Variants in NLRP13 observed in about 807,000 individuals in gnomAD.
NLRP13 encodes the protein NACHT, LRR and PYD domains-containing protein 13.
NLRP13 carries 82 observed loss-of-function variants against 94.4 expected under a neutral mutation model. That is an observed-to-expected ratio of 0.87 (90% CI 0.73 to 1.04). The LOEUF (loss-of-function observed/expected upper bound fraction) is 1.04. Ranked by LOEUF, NLRP13 falls within the 50% of genes least tolerant of loss-of-function variation. The pLI is 0.00. For synonymous variants in NLRP13, 553 were observed against 464.7 expected (o/e 1.19, Z -2.45); for missense variants, 1,426 against 1,230.8 (o/e 1.16, Z -2.37).
At chr19:55,893,748 A>T (rs1403849454), downstream of NLRP13, among the ~76,000 whole-genome samples, 1 of 152,188 alleles carries the variant, frequency 6.6e-6, no homozygotes, top group Non-Finnish European at 1.5e-5. Context: ...GCAATTTTTG[A>T]AAAATAAAAT....
In NLRP13 at chr19:55,905,123, T is replaced by C. The variant is rs375848064; in HGVS notation, c.2448-11A>G. ...TTGCATTTCTCCAGGCTGTGGAAGG[T>C]GCAGGTGCAAGGTGAGCCTCAGCCA... On this transcript the variant is annotated splice_polypyrimidine_tract_variant and intron_variant, in intron 7 of 10. Coordinates refer to ENST00000342929, the MANE Select transcript of NLRP13 (RefSeq NM_176810.2). The C allele has an allele frequency of 4.3e-6, 7 of 1,612,522 alleles. No individual in the cohort carries two copies. In the African/African-American group the frequency reaches 9.4e-5, roughly 22 times the overall value.
chr19:55,918,000 G>A (rs531795295), intron 4 of NLRP13, among the ~76,000 whole-genome samples: 8 of 151,892 alleles, frequency 5.3e-5, no homozygotes, highest in South Asian at 4.1e-4. Flanking sequence ...GAAATAGACC[G>A]TATGTTAGGC....
intron 1 of NLRP13, among the ~76,000 whole-genome samples, chr19:55,931,728 A>AAGAC (rs1568449439): frequency 3.4e-4 from 26 of 76,612 alleles, no homozygotes; most frequent in African/African-American, 9.1e-4. Flanking sequence ...AAAAAAAAGA[A>AAGAC]AGAAAGAAAG....
intron 4 of NLRP13, among the ~76,000 whole-genome samples, chr19:55,914,280 A>G (rs985086210): frequency 1.3e-5 from 2 of 152,224 alleles, no homozygotes; most frequent in African/African-American, 4.8e-5. Context: ...ATGCTGAGAC[A>G]GAAATGAGCA....
At chr19:55,899,534 C>T (rs1986107822) in intron 9 of NLRP13, among the ~76,000 whole-genome samples, 1 of 152,110 alleles carries the variant, frequency 6.6e-6, no homozygotes, top group African/African-American at 2.4e-5. Flanking sequence ...GTAATCCCAG[C>T]ACTTTGGGAG....
rs1179319146 is a variant in NLRP13, at chr19:55,913,279, A to G, written c.538T>C (p.Tyr180His). ...AGTTCAGCCTTCATGTTCTCTCTGT[A>G]TTTTCTTCTGTGGTCTAGAGAGGGC... The part of the protein sequence containing the change: ...MLEEADHRRK[Y>H]RENMKAELLE... Residue 180 changes from tyrosine to histidine, a missense_variant, in exon 5 of 11, where the codon TAC (tyrosine) becomes CAC (histidine). Physicochemically the swap from Tyr to His is moderately conservative, Grantham distance 83. Coordinates refer to ENST00000342929, the MANE Select transcript of NLRP13 (RefSeq NM_176810.2). The G allele has an allele frequency of 1.9e-6, 3 of 1,613,734 alleles. No homozygotes were observed. Among genetic ancestry groups the G allele is most frequent in the South Asian group, 2.2e-5 (2 of 91,064 alleles).
Position 55,925,045 on chromosome 19 carries a change from AC to A in NLRP13, c.320-11del, listed in dbSNP as rs1986935725. ...TGGGTCTGCACATTCTCTGAAACAA[AC>A]AGTGATGATGACATATGAGAATACC... On this transcript the variant is annotated splice_polypyrimidine_tract_variant and intron_variant, in intron 1 of 10. Coordinates refer to ENST00000342929, the MANE Select transcript of NLRP13 (RefSeq NM_176810.2). 1 of 1,613,294 alleles carries A rather than the reference AC, an allele frequency of 6.2e-7. No individual in the cohort carries two copies. Among genetic ancestry groups the A allele is most frequent in the Non-Finnish European group, 8.5e-7 (1 of 1,179,430 alleles).
chr19:55,918,732 AAATT>A (rs575799300), intron 4 of NLRP13, among the ~76,000 whole-genome samples: 1 of 152,096 alleles, frequency 6.6e-6, no homozygotes, highest in Non-Finnish European at 1.5e-5. Context: ...GTAATTTAAA[AAATT>A]AATAACAAAA....
intron 8 of NLRP13, among the ~76,000 whole-genome samples, chr19:55,904,428 C>A (rs115939294): frequency 3.9e-5 from 6 of 152,126 alleles, no homozygotes; most frequent in Middle Eastern, 3.2e-3. Flanking sequence ...TCTCCGCATA[C>A]GGCTGCCTCC....
intron 7 of NLRP13, among the ~76,000 whole-genome samples, chr19:55,906,991 G>T (rs974921382): frequency 2.0e-5 from 3 of 151,826 alleles, no homozygotes; most frequent in Non-Finnish European, 1.5e-5. Flanking sequence ...TTAGAGTCTT[G>T]CTCTGTTGCC....
At chr19:55,913,991 G>A (rs1204327576) in intron 4 of NLRP13, among the ~76,000 whole-genome samples, 1 of 152,214 alleles carries the variant, frequency 6.6e-6, no homozygotes, top group Non-Finnish European at 1.5e-5. Flanking sequence ...CCCACTCACA[G>A]AAGGCTGACC....
chr19:55,932,243 G>T lies in NLRP13; in HGVS notation c.69C>A (p.Ala23=), dbSNP rs1987169132. 1 of 1,612,960 alleles carries T rather than the reference G, an allele frequency of 6.2e-7. No individual in the cohort carries two copies. The highest frequency in any genetic ancestry group is 8.5e-7 in the Non-Finnish European group (1 of 1,179,722). Residue 23 remains alanine, a synonymous_variant, in exon 1 of 11, where the codon GCC becomes GCA. Transcript: ENST00000342929. The part of the protein sequence containing the change: ...TNQGLLPYLM[A]LDQYQLEEFK... ...ATTCCTCCAGCTGATACTGATCCAG[G>T]GCCATCAGGTAAGGCAGAAGCCCTT... is the stretch of plus-strand genomic sequence containing the variant.
At chr19:55,924,690 A>G in intron 2 of NLRP13, 32 bp from the exon 3 acceptor site, 1 of 1,586,094 alleles carries the variant, frequency 6.3e-7, no homozygotes, top group Non-Finnish European at 8.7e-7. Context: ...AGATATGAAA[A>G]TACCCCAGAG....
Position 55,905,871 on chromosome 19 carries a change from AAAAATCAAATCATCCCCAG to A in NLRP13, c.2448-778_2448-760del, listed in dbSNP as rs1986332007. 2.0e-5 allele frequency among the ~76,000 whole-genome samples: 3 copies of A among 152,338 alleles called. 1 individual carries two copies. The highest frequency in any genetic ancestry group is 7.2e-5 in the African/African-American group (3 of 41,576). ...CATTGCCAAATGTCCCCTGGGGGACAAAAATCAAATCATCCCCAGTTTCAACTAATTTAATAGAATCCAG... is the reference window on the plus strand; with the variant it reads ...CATTGCCAAATGTCCCCTGGGGGACATTTCAACTAATTTAATAGAATCCAG... On this transcript the variant is annotated intron_variant, in intron 7 of 10. Coordinates refer to ENST00000342929, the MANE Select transcript of NLRP13 (RefSeq NM_176810.2).
chr19:55,895,198 T>TTA (rs1555812876), downstream of NLRP13, among the ~76,000 whole-genome samples: 6 of 140,410 alleles, frequency 4.3e-5, no homozygotes, highest in Non-Finnish European at 9.2e-5. Context: ...AAAAGTATGT[T>TTA]AAAAAAAAAA....
intron 10 of NLRP13, among the ~76,000 whole-genome samples, chr19:55,898,088 G>T (rs936915453): frequency 6.6e-6 from 1 of 152,162 alleles, no homozygotes; most frequent in African/African-American, 2.4e-5. Flanking sequence ...ACCCACCATG[G>T]GCAGATTGGG....
At chr19:55,908,055 C>G in intron 6 of NLRP13, 99 bp from the exon 7 acceptor site, 1 of 1,028,034 alleles carries the variant, frequency 9.7e-7, no homozygotes, top group Non-Finnish European at 1.5e-6. Context: ...CACTCACTGC[C>G]AAGGTTATAC....
intron 9 of NLRP13, among the ~76,000 whole-genome samples, chr19:55,899,491 A>G (rs1269444532): frequency 6.6e-6 from 1 of 152,114 alleles, no homozygotes; most frequent in Non-Finnish European, 1.5e-5. Flanking sequence ...CCCCATCCCA[A>G]AAAGGTTTGG....
intron 6 of NLRP13, among the ~76,000 whole-genome samples, 154 bp downstream of exon 6, chr19:55,910,409 C>T (rs11670284): frequency 0.74 from 112,515 of 152,144 alleles, 42,041 homozygotes; most frequent in African/African-American, 0.84. Context: ...CTACTTTGCC[C>T]AAGTAGCAGT....
Sources: gnomAD v4.1 joint callset for allele counts (sites outside exome capture counted in the v4.1 genomes callset) on GRCh38, gnomAD v4.1.1 for gene constraint, MANE v1.5 for transcripts, NCBI Gene and HGNC (gene_info 2026-07-23, HGNC 2026-07-21) for gene names.